Variants in SDK1 observed in about 807,000 individuals in gnomAD.
SDK1 encodes protein sidekick-1.
A neutral mutation model predicts 245.5 loss-of-function variants in SDK1; 157 were observed. That is an observed-to-expected ratio of 0.64 (90% confidence interval 0.56 to 0.73). The LOEUF (loss-of-function observed/expected upper bound fraction) is 0.73. SDK1 is among the 30% of genes least tolerant of loss of function. The probability of loss-of-function intolerance (pLI) is 0.00; values close to 1 mark genes in which losing one functional copy is unlikely to be tolerated. For missense variants in SDK1, 3,583 were observed against 3,002.3 expected, an observed-to-expected ratio of 1.19 and a Z score of -4.52; for synonymous variants, 1,647 against 1,278.5, an observed-to-expected ratio of 1.29 and a Z score of -6.15.
At chr7:3,498,196 C>T (rs775102786) in intron 1 of SDK1, among the ~76,000 whole-genome samples, 2 of 152,164 alleles carry the variant, frequency 1.3e-5, no homozygotes, top group Admixed American at 1.3e-4. Context: ...TGAAAACACT[C>T]AAAGCCTGCC....
intron 4 of SDK1, among the ~76,000 whole-genome samples, chr7:3,714,320 C>G (rs6969732): frequency 6.6e-6 from 1 of 151,986 alleles, no homozygotes; most frequent in Admixed American, 6.5e-5. Context: ...AAAATCATTA[C>G]TATTCTTAGA....
rs1283981103 is a variant in SDK1, at chr7:3,344,030, A to AC, written c.298+42146_298+42147insC. ...AAACACATACAACCAAAAAAAAAAA[A>AC]AAAAAACTAGAAATGCATGTATATT... On this transcript the variant is annotated intron_variant, in intron 1 of 44. Transcript: ENST00000404826. 1.2e-3 allele frequency among the ~76,000 whole-genome samples: 181 copies of AC among 150,650 alleles called. No homozygotes were observed. In the Middle Eastern group the frequency reaches 0.014, roughly 11 times the overall value.
At chr7:4,187,467 G>A (rs140877415) in intron 35 of SDK1, among the ~76,000 whole-genome samples, 12 of 152,290 alleles carry the variant, frequency 7.9e-5, no homozygotes, top group Non-Finnish European at 5.9e-5. Context: ...ACCCTGCAGC[G>A]GTGACCAGAT....
intron 4 of SDK1, among the ~76,000 whole-genome samples, chr7:3,709,836 T>G (rs936467791): frequency 2.6e-5 from 4 of 152,230 alleles, no homozygotes. Flanking sequence ...GTAGAAGCTG[T>G]AGGCTCTCTC....
chr7:3,597,465 A>C (rs1289665403), intron 1 of SDK1, among the ~76,000 whole-genome samples: 1 of 152,106 alleles, frequency 6.6e-6, no homozygotes, highest in Non-Finnish European at 1.5e-5. Flanking sequence ...GTAAGATAGA[A>C]ACAGGACACA....
At chr7:4,207,801 T>G (rs1255505270) in intron 36 of SDK1, among the ~76,000 whole-genome samples, 1 of 152,236 alleles carries the variant, frequency 6.6e-6, no homozygotes, top group East Asian at 1.9e-4. Flanking sequence ...CCTTCCGTCC[T>G]CACAACTTAT....
intron 4 of SDK1, among the ~76,000 whole-genome samples, chr7:3,751,448 CG>C (rs1779769342): frequency 2.4e-4 from 1 of 4,176 alleles, no homozygotes; most frequent in Non-Finnish European, 4.1e-4. Flanking sequence ...AGAACTTCGG[CG>C]GGGGGTGGGG....
chr7:3,984,418 C>T (rs148478100), intron 13 of SDK1, among the ~76,000 whole-genome samples: 16 of 152,264 alleles, frequency 1.1e-4, no homozygotes, highest in African/African-American at 2.9e-4. Context: ...TGCAAGAGGC[C>T]GCATTTTCAC....
intron 17 of SDK1, among the ~76,000 whole-genome samples, chr7:4,036,111 C>T (rs1788195412): frequency 6.6e-6 from 1 of 152,148 alleles, no homozygotes; most frequent in Admixed American, 6.5e-5. Flanking sequence ...ATAACCTCTT[C>T]AAATATTTGA....
At chr7:4,045,146 C>T (rs139087606) in intron 17 of SDK1, among the ~76,000 whole-genome samples, 1 of 152,300 alleles carries the variant, frequency 6.6e-6, no homozygotes, top group East Asian at 1.9e-4. Flanking sequence ...TCCATAGACA[C>T]ACTACAGTTT....
chr7:3,632,108 A>G (rs1183267088), intron 2 of SDK1, among the ~76,000 whole-genome samples: 3 of 152,180 alleles, frequency 2.0e-5, no homozygotes, highest in Non-Finnish European at 2.9e-5. Context: ...TTTTATCCCT[A>G]AGAAAAGGCA....
intron 1 of SDK1, among the ~76,000 whole-genome samples, chr7:3,560,609 C>G (rs1319657197): frequency 6.6e-6 from 1 of 152,164 alleles, no homozygotes; most frequent in Non-Finnish European, 1.5e-5. Context: ...TTGCACCCCA[C>G]AGCCCAGTCT....
chr7:4,172,123 C>T (rs1234416970), intron 32 of SDK1, among the ~76,000 whole-genome samples: 6 of 152,166 alleles, frequency 3.9e-5, no homozygotes, highest in Non-Finnish European at 7.3e-5. Flanking sequence ...TGCTTTTCCG[C>T]GTCTGAGGGG....
intron 4 of SDK1, 91 bp from the exon 5 acceptor site, chr7:3,821,359 A>T: frequency 7.1e-7 from 1 of 1,404,668 alleles, no homozygotes; most frequent in East Asian, 2.4e-5. Flanking sequence ...AACTCTAGGC[A>T]TTCCTTTATA....
intron 1 of SDK1, among the ~76,000 whole-genome samples, 168 bp downstream of exon 1, chr7:3,302,052 G>T (rs1313357142): frequency 1.3e-5 from 2 of 152,048 alleles, no homozygotes; most frequent in Non-Finnish European, 2.9e-5. Flanking sequence ...AGACTCGGAG[G>T]AGAGGGAAAC....
intron 1 of SDK1, among the ~76,000 whole-genome samples, chr7:3,332,354 C>G (rs1780090178): frequency 6.6e-6 from 1 of 152,128 alleles, no homozygotes; most frequent in Non-Finnish European, 1.5e-5. Flanking sequence ...GTCAGTTGTT[C>G]TCCCCTTATT....
intron 1 of SDK1, among the ~76,000 whole-genome samples, chr7:3,494,518 A>G (rs746728957): frequency 5.9e-5 from 9 of 152,190 alleles, no homozygotes; most frequent in Non-Finnish European, 1.0e-4. Context: ...TGAGAAATAG[A>G]TATGGGGTGC....
chr7:3,448,259 T>C (rs1780407349), intron 1 of SDK1, among the ~76,000 whole-genome samples: 1 of 152,184 alleles, frequency 6.6e-6, no homozygotes, highest in African/African-American at 2.4e-5. Context: ...TTGCTGAATA[T>C]TGGTGAAGTT....
chr7:4,051,975 A>G, intron 19 of SDK1, 145 bp downstream of exon 19: 1 of 658,058 alleles, frequency 1.5e-6, no homozygotes, highest in Non-Finnish European at 2.5e-6. Flanking sequence ...ACCTAGGGAG[A>G]TCAGGCATCA....
Sources: allele counts gnomAD v4.1 joint callset (sites outside exome capture counted in the v4.1 genomes callset), GRCh38; gene constraint gnomAD v4.1.1; transcripts MANE v1.5; gene names NCBI Gene and HGNC (gene_info 2026-07-23, HGNC 2026-07-21).